RPS6KA2: variants seen among roughly 807,000 people sequenced by gnomAD.
RPS6KA2 encodes the protein ribosomal protein S6 kinase A2, also known as ribosomal protein S6 kinase alpha-2.
Under a neutral mutation model 91.8 loss-of-function variants are expected in RPS6KA2, and 42 were observed. That is an observed-to-expected ratio of 0.46 (90% CI 0.36 to 0.59). RPS6KA2 has a LOEUF of 0.59. Among genes scored for constraint, RPS6KA2 ranks in the 20% least tolerant of loss-of-function variants. The pLI, the probability that RPS6KA2 is intolerant of heterozygous loss-of-function variation, is 0.00. For missense variants in RPS6KA2, 798 were observed against 978.5 expected (o/e 0.82, Z 2.46); for synonymous variants, 414 against 393.6 (o/e 1.05, Z -0.61).
chr6:166,858,385 A>G (rs1285506272), intron 1 of RPS6KA2: 5 of 644,948 alleles, frequency 7.8e-6, no homozygotes, highest in African/African-American at 1.8e-5. Context: ...GGACATGGAA[A>G]CCATATCACC....
chr6:166,818,630 C>T (rs1282544166), intron 2 of RPS6KA2, among the ~76,000 whole-genome samples: 2 of 152,128 alleles, frequency 1.3e-5, no homozygotes, highest in East Asian at 1.9e-4. Flanking sequence ...ATTCAGAGAC[C>T]GTTGCCTGTG....
At chr6:166,594,285 AT>A (rs568330506) in intron 1 of RPS6KA2, among the ~76,000 whole-genome samples, 137 of 152,336 alleles carry the variant, frequency 9.0e-4, no homozygotes, top group African/African-American at 3.2e-3. Context: ...GAAATCAAAA[AT>A]TTAACAAGGG....
chr6:166,850,975 C>A (rs931917784), intron 2 of RPS6KA2, among the ~76,000 whole-genome samples: 1 of 152,120 alleles, frequency 6.6e-6, no homozygotes, highest in Non-Finnish European at 1.5e-5. Flanking sequence ...TGTGGGAAAT[C>A]AAGGGTTCTA....
chr6:166,525,908 C>T (rs1783010326), intron 3 of RPS6KA2, among the ~76,000 whole-genome samples: 1 of 152,160 alleles, frequency 6.6e-6, no homozygotes, highest in East Asian at 1.9e-4. Context: ...GCTAATGGAA[C>T]GCAGAGGTGT....
In RPS6KA2 at chr6:166,648,165, C is replaced by T. The variant is rs1787717730; in HGVS notation, c.124-109381G>A. Among the ~76,000 whole-genome samples the T allele has an allele frequency of 1.0e-5, 1 of 97,288 alleles. No individual in the cohort carries two copies. Among genetic ancestry groups the T allele is most frequent in the Non-Finnish European group, 2.0e-5 (1 of 49,594 alleles). 63.8% of individuals were successfully genotyped at this position (97,288 alleles called of 152,430 possible). A position where few individuals can be genotyped will look rare whatever the true frequency, so the allele number is the denominator to read the frequency against. On this transcript the variant is annotated intron_variant, in intron 2 of 21. Coordinates refer to the RPS6KA2 transcript ENST00000503859. This position sits in a 1 kb window ranked among gnomAD's most constrained non-coding sequence, Gnocchi z 4.8. Reference sequence around the variant, plus strand: ...ACACGCACATGGTTACACACCCATGCACACATGCTCACACACATGCACACA... The same window carrying T: ...ACACGCACATGGTTACACACCCATGTACACATGCTCACACACATGCACACA...
At chr6:166,663,212 A>G (rs1215994074) in intron 2 of RPS6KA2, among the ~76,000 whole-genome samples, 1 of 152,234 alleles carries the variant, frequency 6.6e-6, no homozygotes, top group East Asian at 1.9e-4. Flanking sequence ...AACAAAAACC[A>G]ATAGATAATC....
chr6:166,436,515 T>C (rs982284789), intron 14 of RPS6KA2, among the ~76,000 whole-genome samples: 1 of 152,148 alleles, frequency 6.6e-6, no homozygotes, highest in East Asian at 1.9e-4. Context: ...CAGAAGGGGC[T>C]GCATGGGGTG....
At chr6:166,536,833 C>G (rs766915492) in intron 2 of RPS6KA2, among the ~76,000 whole-genome samples, 1 of 152,090 alleles carries the variant, frequency 6.6e-6, no homozygotes, top group South Asian at 2.1e-4. Context: ...AATAAAGACA[C>G]AAGTAAAGAT....
At chr6:166,759,330 T>C (rs1218633726) in intron 2 of RPS6KA2, among the ~76,000 whole-genome samples, 2 of 152,226 alleles carry the variant, frequency 1.3e-5, no homozygotes, top group Non-Finnish European at 2.9e-5. Flanking sequence ...TTGGCAAATA[T>C]TACTTCTAAG....
At chr6:166,442,441 T>C (rs1250794337) in intron 14 of RPS6KA2, among the ~76,000 whole-genome samples, 1 of 152,122 alleles carries the variant, frequency 6.6e-6, no homozygotes, top group African/African-American at 2.4e-5. Context: ...CCGTTCTGAG[T>C]TTCTGTTCCC....
chr6:166,499,472 T>A (rs896384190), intron 7 of RPS6KA2, among the ~76,000 whole-genome samples: 5 of 152,200 alleles, frequency 3.3e-5, no homozygotes, highest in Admixed American at 6.5e-5. Flanking sequence ...TCCCCACGTG[T>A]CGTGGGAGGG....
At chr6:166,430,931 T>A (rs1779107722) in intron 15 of RPS6KA2, among the ~76,000 whole-genome samples, 1 of 151,970 alleles carries the variant, frequency 6.6e-6, no homozygotes, top group Non-Finnish European at 1.5e-5. Context: ...TTATTTATTA[T>A]TATTATTTTT....
chr6:166,831,650 G>A (rs1780185102), intron 2 of RPS6KA2, among the ~76,000 whole-genome samples: 1 of 150,888 alleles, frequency 6.6e-6, no homozygotes, highest in Admixed American at 6.6e-5. Context: ...GCCTGGGCTC[G>A]GTAGCAAAAG....
chr6:166,784,637 CCTATGCAGAACCACATATACACAT>C lies in RPS6KA2; in HGVS notation c.123+73539_123+73562del, dbSNP rs1778878308. Among the ~76,000 whole-genome samples the C allele has an allele frequency of 2.8e-5, 2 of 71,042 alleles. 1 individual carries two copies. Among genetic ancestry groups the C allele is most frequent in the African/African-American group, 1.0e-4 (2 of 20,042 alleles). The allele number at this position is 71,042 out of a possible 152,430, so 46.6% of individuals were successfully genotyped here. A position where few individuals can be genotyped will look rare whatever the true frequency, so the allele number is the denominator to read the frequency against. On this transcript the variant is annotated intron_variant, in intron 2 of 21. Coordinates refer to the RPS6KA2 transcript ENST00000503859. Reference sequence around the variant, plus strand: ...AGAACCACATATACACACGTGCACACCTATGCAGAACCACATATACACATGTGCACACCTATCTATACCACATAT... The same window carrying C: ...AGAACCACATATACACACGTGCACACGTGCACACCTATCTATACCACATAT...
chr6:166,470,754 G>C (rs921356874), intron 10 of RPS6KA2, among the ~76,000 whole-genome samples: 1 of 152,206 alleles, frequency 6.6e-6, no homozygotes, highest in Non-Finnish European at 1.5e-5. Flanking sequence ...ACTACTGTTC[G>C]GGAAAGCGGT....
chr6:166,559,046 C>T (rs1335052081), intron 1 of RPS6KA2, among the ~76,000 whole-genome samples: 5 of 152,140 alleles, frequency 3.3e-5, no homozygotes, highest in African/African-American at 1.2e-4. Context: ...CATGTGGGCT[C>T]CTGATATTCA....
Position 166,538,671 on chromosome 6 carries a change from T to A in RPS6KA2, c.213A>T (p.Gly71=). ...AGACAGCCAGGGCTGAACTTACCTT[T>A]CCATAGGATCCTTGTCCTAAAACCT... is the stretch of plus-strand genomic sequence containing the variant. ...LLKVLGQGSY[G]KVFLVRKVKG... is the part of the protein sequence containing the mutation. The change falls in exon 2 of 21, where the codon GGA becomes GGT. Residue 71 remains glycine (G), a synonymous_variant. Transcript: ENST00000265678. 6.4e-7 allele frequency: 1 copy of A among 1,572,116 alleles called. No homozygotes were observed.
At chr6:166,592,896 C>G (rs1785404436) in intron 1 of RPS6KA2, among the ~76,000 whole-genome samples, 1 of 152,144 alleles carries the variant, frequency 6.6e-6, no homozygotes, top group African/African-American at 2.4e-5. Context: ...CATCGGAGAC[C>G]AAAAACATCA....
intron 16 of RPS6KA2, among the ~76,000 whole-genome samples, chr6:166,428,328 T>C (rs868797956): frequency 4.7e-5 from 7 of 147,974 alleles, no homozygotes; most frequent in South Asian, 2.2e-4. Context: ...GACTTAAATG[T>C]TAGACCTAAA....
Sources: gnomAD v4.1 joint callset for allele counts (sites outside exome capture counted in the v4.1 genomes callset) on GRCh38, gnomAD v4.1.1 for gene constraint, Gnocchi (gnomAD v3.1) non-coding constraint, MANE v1.5 for transcripts, NCBI Gene and HGNC (gene_info 2026-07-23, HGNC 2026-07-21) for gene names.